Variants in THNSL2 observed in about 807,000 individuals in gnomAD.
THNSL2 encodes threonine synthase like 2.
In THNSL2, 34 loss-of-function variants were observed where a neutral mutation model predicts 40.0. The ratio of observed to expected loss-of-function variants is 0.85; its 90% CI spans 0.65 to 1.13. The LOEUF (loss-of-function observed/expected upper bound fraction) is 1.13. THNSL2 is among the 50% of genes most tolerant of loss of function. THNSL2 has a pLI of 0.00. For synonymous variants in THNSL2, 241 were observed against 247.5 expected (o/e 0.97, Z 0.25); for missense variants, 537 against 608.8 (o/e 0.88, Z 1.24).
At position 88,173,147 on chromosome 2, in the gene THNSL2, G is replaced by T. The variant is rs897406236; in HGVS notation, c.-4G>T. On this transcript the variant is annotated 5_prime_UTR_variant, in exon 2 of 9. Coordinates refer to ENST00000674334, the MANE Select transcript of THNSL2 (RefSeq NM_018271.5). ...GACTGTCCTCTCTGCAGGCCTCCAG[G>T]ATCATGTGGTATGTCAGCACCAGGG... is the stretch of plus-strand genomic sequence containing the variant. 1 of 1,536,844 alleles carries T rather than the reference G, an allele frequency of 6.5e-7. No homozygotes were observed. The highest frequency in any genetic ancestry group is 2.3e-5 in the East Asian group (1 of 43,548).
At position 88,179,013 on chromosome 2, in the gene THNSL2, G is replaced by A. The variant is rs1275354133; in HGVS notation, c.802G>A (p.Ala268Thr). The A allele has an allele frequency of 6.2e-7, 1 of 1,614,192 alleles. No individual in the cohort carries two copies. The highest frequency in any genetic ancestry group is 8.5e-7 in the Non-Finnish European group (1 of 1,180,012). Residue 268 changes from alanine (A) to threonine (T), a missense_variant and splice_region_variant, in exon 5 of 9, where the codon GCT (alanine) becomes ACT (threonine). Transcript: ENST00000674334. Reference sequence around the variant, plus strand: ...AACAGGGGCTGCCGGTAACCTTGCAGGTAAGGAATCCCCGGGGCACAAATG... The same window carrying A: ...AACAGGGGCTGCCGGTAACCTTGCAAGTAAGGAATCCCCGGGGCACAAATG... The part of the protein sequence containing the change: ...VPTGAAGNLA[A>T]GYIAQKIGLP...
At chr2:88,181,114 CTCTCTCTCCTCTCTCTCCTCT>C (rs1677511775) in intron 5 of THNSL2, among the ~76,000 whole-genome samples, 1 of 726 alleles carries the variant, frequency 1.4e-3, no homozygotes, top group Non-Finnish European at 4.3e-3. Context: ...TCTCTCTCCT[CTCTCTCTCCTCTCTCTCCTCT>C]CTCTCTCCTC....
intron 7 of THNSL2, among the ~76,000 whole-genome samples, 177 bp from the exon 8 acceptor site, chr2:88,185,151 G>A (rs991557254): frequency 3.3e-5 from 5 of 152,206 alleles, no homozygotes; most frequent in African/African-American, 1.2e-4. Flanking sequence ...CAAGTTGAGT[G>A]AGTCAGCTCA....
intron 4 of THNSL2, among the ~76,000 whole-genome samples, chr2:88,177,591 GT>G (rs1016200624): frequency 1.3e-5 from 2 of 152,190 alleles, no homozygotes; most frequent in African/African-American, 4.8e-5. Context: ...TGGGCTTCCA[GT>G]TGTTTGATTC....
At chr2:88,185,839 T>C (rs1431730151) in intron 8 of THNSL2, 59 bp from the exon 9 acceptor site, 3 of 1,545,318 alleles carry the variant, frequency 1.9e-6, no homozygotes, top group Non-Finnish European at 2.6e-6. Flanking sequence ...CACCTTCTCC[T>C]TTCCCATCTC....
At chr2:88,185,703 A>G (rs1372266680) in intron 8 of THNSL2, 195 bp from the exon 9 acceptor site, 2 of 1,551,380 alleles carry the variant, frequency 1.3e-6, no homozygotes, top group Non-Finnish European at 8.7e-7. Flanking sequence ...CTGGCCTCCA[A>G]CCAGGAGGAG....
rs529214331 is a variant in THNSL2 at position 88,177,293 on chromosome 2, G to A, written c.572-1490G>A. The stretch of plus-strand genomic sequence containing the variant: ...TCTGGTTTGGTTTTAAGGAGGATGT[G>A]TGTTAGTTCAGGATATAACAGCAAA... On this transcript the variant is annotated intron_variant, in intron 4 of 8. Transcript: ENST00000674334. Among the ~76,000 whole-genome samples, 4 of 152,176 alleles carry A rather than the reference G, an allele frequency of 2.6e-5. No homozygotes were observed. In the South Asian group the frequency reaches 8.3e-4, roughly 32 times the overall value.
intron 1 of THNSL2, among the ~76,000 whole-genome samples, chr2:88,170,905 C>T (rs1393623258): frequency 6.6e-6 from 1 of 152,180 alleles, no homozygotes; most frequent in Non-Finnish European, 1.5e-5. Context: ...CCTCCACCTC[C>T]CTGAGGGGCG....
rs545602278 is a variant in THNSL2 at position 88,173,229 on chromosome 2, G to C, written c.79G>C (p.Gly27Arg). Reference sequence around the variant, plus strand: ...CCTCTTCTCTGGCTATGCACCTGACGGGGGCCTCTTTATGCCTGAAGAGCT... The same window carrying C: ...CCTCTTCTCTGGCTATGCACCTGACCGGGGCCTCTTTATGCCTGAAGAGCT... ...GALFSGYAPDGGLFMPEELPQ... is the reference protein window; with the variant it reads ...GALFSGYAPDRGLFMPEELPQ... Residue 27 changes from glycine (G) to arginine (R), a missense_variant, in exon 2 of 9, where the codon GGG becomes CGG. By Grantham distance (125) the Gly-to-Arg change is moderately radical (BLOSUM62 -2). Coordinates refer to ENST00000674334, the MANE Select transcript of THNSL2 (RefSeq NM_018271.5). 6.2e-7 allele frequency: 1 copy of C among 1,610,940 alleles called. No individual in the cohort carries two copies. Among genetic ancestry groups the C allele is most frequent in the African/African-American group, 1.3e-5 (1 of 74,838 alleles).
At chr2:88,174,865 T>C (rs747104764) in intron 3 of THNSL2, 32 bp downstream of exon 3, 1 of 1,607,390 alleles carries the variant, frequency 6.2e-7, no homozygotes, top group Non-Finnish European at 8.5e-7. Context: ...GCAGAATACC[T>C]GAGTGCTGTG....
At chr2:88,177,476 T>C (rs1289155823) in intron 4 of THNSL2, among the ~76,000 whole-genome samples, 1 of 152,222 alleles carries the variant, frequency 6.6e-6, no homozygotes, top group Non-Finnish European at 1.5e-5. Flanking sequence ...TAGGTATTTA[T>C]TGTTATTTGA....
chr2:88,180,703 T>C (rs2104227331), intron 5 of THNSL2, among the ~76,000 whole-genome samples: 1 of 152,280 alleles, frequency 6.6e-6, no homozygotes, highest in African/African-American at 2.4e-5. Context: ...TCCTAAACAA[T>C]GTCACGTGTC....
At chr2:88,170,959 A>G (rs1030192059) in intron 1 of THNSL2, among the ~76,000 whole-genome samples, 1 of 151,108 alleles carries the variant, frequency 6.6e-6, no homozygotes, top group Non-Finnish European at 1.5e-5. Context: ...GGCTACTCCT[A>G]TTTTCCGTAT....
Position 88,176,431 on chromosome 2 carries a change from A to G in THNSL2, c.571+1030A>G, listed in dbSNP as rs1676947286. 3.3e-5 allele frequency: 5 copies of G among 152,346 alleles called. No individual in the cohort carries two copies. The South Asian group carries it at 1.0e-3, about 32-fold the overall frequency. 9.4% of individuals were successfully genotyped at this position (152,346 alleles called of 1,614,324 possible). ...TCTCACACCCCACTGGACCCCAGGT[A>G]GCTGCAAGGTGGGGACTTGGATTAA... is the stretch of plus-strand genomic sequence containing the variant. On this transcript the variant is annotated intron_variant, in intron 4 of 8. Transcript: ENST00000674334.
At chr2:88,175,116 G>A (rs1233074013) in intron 3 of THNSL2, 133 bp from the exon 4 acceptor site, 2 of 1,024,602 alleles carry the variant, frequency 2.0e-6, no homozygotes, top group African/African-American at 3.3e-5. Context: ...CCTAGGTGGA[G>A]TGCTAGGTTC....
At chr2:88,171,995 A>G (rs1262009457) in intron 1 of THNSL2, 1 of 152,338 alleles carries the variant, frequency 6.6e-6, no homozygotes, top group Non-Finnish European at 1.5e-5. Flanking sequence ...AGGAAATGAG[A>G]ATTCCTCCAG....
Position 88,174,673 on chromosome 2 carries a change from C to CA in THNSL2, c.259dup (p.Arg87LysfsTer27). ...ACCGAGCCTTCAGCAGATTCCGTCA[C>CA]AGAGAAGTGGTCCATCTGTCCAGGT... On this transcript the variant is annotated frameshift_variant, in exon 3 of 9. Transcript: ENST00000674334. LOFTEE classifies it high-confidence loss of function. 1 of 1,614,180 alleles carries CA rather than the reference C, an allele frequency of 6.2e-7. No individual in the cohort carries two copies. Among genetic ancestry groups the CA allele is most frequent in the Non-Finnish European group, 8.5e-7 (1 of 1,180,044 alleles).
At position 88,174,679 on chromosome 2, in the gene THNSL2, A is replaced by G. The variant is rs557626565; in HGVS notation, c.264A>G (p.Glu88=). ...CCTTCAGCAGATTCCGTCACAGAGA[A>G]GTGGTCCATCTGTCCAGGTTGAGGA... is the stretch of plus-strand genomic sequence containing the variant. ...DRAFSRFRHR[E]VVHLSRLRNG... The change falls in exon 3 of 9, where the codon GAA becomes GAG. Residue 88 remains glutamate (E), a synonymous_variant. Coordinates refer to ENST00000674334, the MANE Select transcript of THNSL2 (RefSeq NM_018271.5). 1 of 1,614,182 alleles carries G rather than the reference A, an allele frequency of 6.2e-7. No homozygotes were observed. The highest frequency in any genetic ancestry group is 2.2e-5 in the East Asian group (1 of 44,870).
chr2:88,178,868 C>A lies in THNSL2; in HGVS notation c.657C>A (p.Ser219Arg), dbSNP rs765673533. The stretch of plus-strand genomic sequence containing the variant: ...TTGTCAAGAAGCACAATCTGATGAG[C>A]CTGAATTCGATCAACTGGTCCCGGG... ...VAFVKKHNLM[S>R]LNSINWSRVL... The change falls in exon 5 of 9, where the codon AGC becomes AGA. Residue 219 changes from serine to arginine, a missense_variant. Ser to Arg is a moderately radical substitution (Grantham distance 110). Coordinates refer to ENST00000674334, the MANE Select transcript of THNSL2 (RefSeq NM_018271.5). 6.2e-7 allele frequency: 1 copy of A among 1,614,172 alleles called. No individual in the cohort carries two copies. The highest frequency in any genetic ancestry group is 1.3e-5 in the African/African-American group (1 of 75,030).
Sources: allele counts gnomAD v4.1 joint callset (sites outside exome capture counted in the v4.1 genomes callset), GRCh38; gene constraint gnomAD v4.1.1; transcripts MANE v1.5; gene names NCBI Gene and HGNC (gene_info 2026-07-23, HGNC 2026-07-21).